SDK2: variants seen among roughly 807,000 people sequenced by gnomAD.
The protein encoded by SDK2 is sidekick cell adhesion molecule 2.
A neutral mutation model predicts 253.9 loss-of-function variants in SDK2; 105 were observed. That is an observed-to-expected ratio of 0.41 (90% CI 0.35 to 0.49). SDK2 has a LOEUF of 0.49. SDK2 is among the 20% of genes least tolerant of loss of function. The pLI, the probability that SDK2 is intolerant of heterozygous loss-of-function variation, is 0.06. For synonymous variants in SDK2, 1,249 were observed against 1,234.9 expected (o/e 1.01, Z -0.24); for missense variants, 2,608 against 3,003.0 (o/e 0.87, Z 3.07).
At position 73,419,139 on chromosome 17, in the gene SDK2, G is replaced by A. The variant is rs770391874; in HGVS notation, c.2186+27C>T. On this transcript the variant is annotated intron_variant, in intron 16 of 44. Transcript: ENST00000392650. ...CCCATGCCTTTCCCCTTGGGACTGG[G>A]CTCCTGTCCCCAGGGTGGACACCCA... is the stretch of plus-strand genomic sequence containing the variant. 4 of 1,607,600 alleles carry A rather than the reference G, an allele frequency of 2.5e-6. No individual in the cohort carries two copies. The Admixed American group carries it at 5.1e-5, about 20-fold the overall frequency.
At chr17:73,560,055 G>T (rs1454102485) in intron 1 of SDK2, among the ~76,000 whole-genome samples, 1 of 152,144 alleles carries the variant, frequency 6.6e-6, no homozygotes, top group African/African-American at 2.4e-5. Context: ...TCCTGCCTTG[G>T]CCCTACTGAG....
At chr17:73,357,858 G>A (rs2062604927) in intron 40 of SDK2, 1 of 698,554 alleles carries the variant, frequency 1.4e-6, no homozygotes, top group South Asian at 1.5e-5. Flanking sequence ...AGCACTAACA[G>A]CCGTTCTCTG....
chr17:73,336,644 G>A lies in SDK2; in HGVS notation c.*1943C>T, dbSNP rs547517922. Reference sequence around the variant, plus strand: ...ACCATTAGCACAGTGACTGACTTGGGGCTGTAGGAGAGTGGTCCAGGCTCT... The same window carrying A: ...ACCATTAGCACAGTGACTGACTTGGAGCTGTAGGAGAGTGGTCCAGGCTCT... On this transcript the variant is annotated 3_prime_UTR_variant, in exon 45 of 45. Coordinates refer to ENST00000392650, the MANE Select transcript of SDK2 (RefSeq NM_001144952.2). 6.5e-6 allele frequency: 1 copy of A among 152,766 alleles called. No individual in the cohort carries two copies. The highest frequency in any genetic ancestry group is 6.5e-5 in the Admixed American group (1 of 15,300). 9.5% of individuals were successfully genotyped at this position (152,766 alleles called of 1,614,324 possible).
chr17:73,474,868 G>T (rs1004462412), intron 2 of SDK2, among the ~76,000 whole-genome samples: 1 of 152,180 alleles, frequency 6.6e-6, no homozygotes, highest in Non-Finnish European at 1.5e-5. Flanking sequence ...GAGAGGAAAA[G>T]AAATAGAAAT....
intron 18 of SDK2, among the ~76,000 whole-genome samples, chr17:73,412,691 G>A (rs114175161): frequency 0.035 from 5,276 of 152,056 alleles, 296 homozygotes; most frequent in African/African-American, 0.12. Context: ...CGAGGCAGTC[G>A]AATTACTTGA....
In SDK2 at chr17:73,481,325, G is replaced by T. The variant is rs2063722263; in HGVS notation, c.225-9107C>A. On this transcript the variant is annotated intron_variant, in intron 2 of 44. Transcript: ENST00000392650. The surrounding 1 kb of genome is among the most constrained non-coding windows in gnomAD (Gnocchi z 4.5). ...TAGGGAACCTGAGGGTGGAGAGGGG[G>T]TACCCGCAGTGGACAGAACAGGGAG... Among the ~76,000 whole-genome samples the T allele has an allele frequency of 6.6e-6, 1 of 152,142 alleles. No homozygotes were observed. Among genetic ancestry groups the T allele is most frequent in the Non-Finnish European group, 1.5e-5 (1 of 68,008 alleles).
chr17:73,460,240 G>A (rs912184698), intron 3 of SDK2, among the ~76,000 whole-genome samples: 1 of 152,204 alleles, frequency 6.6e-6, no homozygotes, highest in African/African-American at 2.4e-5. Flanking sequence ...GCAGATGTGG[G>A]AGCAGCCCAC....
chr17:73,430,818 C>A lies in SDK2; in HGVS notation c.1481-205G>T, dbSNP rs2063320835. 4.6e-5 allele frequency among the ~76,000 whole-genome samples: 7 copies of A among 152,332 alleles called. No homozygotes were observed. The South Asian group carries it at 1.4e-3, about 32-fold the overall frequency. On this transcript the variant is annotated intron_variant, in intron 11 of 44. Transcript: ENST00000392650. ...ATGTATGGGATGGAGAGACCAAACT[C>A]TAAGGACGATCAGGACCATATTTTC...
Position 73,379,356 on chromosome 17 carries a change from C to T in SDK2, c.4865-64G>A, listed in dbSNP as rs991586717. On this transcript the variant is annotated intron_variant, in intron 35 of 44. Transcript: ENST00000392650. The surrounding 1 kb of genome is among the most constrained non-coding windows in gnomAD (Gnocchi z 4.5). ...AACCTGGGAGGGGAGGTGGGCTGGGCGGGATGGGGAGCCCAGATCCCGTTT... is the reference window on the plus strand; with the variant it reads ...AACCTGGGAGGGGAGGTGGGCTGGGTGGGATGGGGAGCCCAGATCCCGTTT... 6.7e-5 allele frequency: 32 copies of T among 476,296 alleles called. No individual in the cohort carries two copies. The highest frequency in any genetic ancestry group is 3.5e-4 in the African/African-American group (17 of 48,830). 29.5% of individuals were successfully genotyped at this position (476,296 alleles called of 1,614,324 possible).
rs1294212420 is a variant in SDK2 at position 73,639,566 on chromosome 17, GACTAATTCCC to G, written c.64+4449_64+4458del. Reference sequence around the variant, plus strand: ...GCATCCCAAGGCCCCAAATTATGATGACTAATTCCCACCGCTTTAGGCAGCTCCAGGGCTG... The same window carrying G: ...GCATCCCAAGGCCCCAAATTATGATGACCGCTTTAGGCAGCTCCAGGGCTG... On this transcript the variant is annotated intron_variant, in intron 1 of 44. Transcript: ENST00000392650. This position sits in a 1 kb window ranked among gnomAD's most constrained non-coding sequence, Gnocchi z 4.3. Among the ~76,000 whole-genome samples, 6 of 152,166 alleles carry G rather than the reference GACTAATTCCC, an allele frequency of 3.9e-5. No individual in the cohort carries two copies. The highest frequency in any genetic ancestry group is 3.3e-4 in the Admixed American group (5 of 15,284).
At chr17:73,384,039 G>A in intron 32 of SDK2, 28 bp from the exon 33 acceptor site, 2 of 1,607,680 alleles carry the variant, frequency 1.2e-6, no homozygotes, top group Non-Finnish European at 1.7e-6. Context: ...GGCATGGGGA[G>A]GGCACCTGGA....
chr17:73,353,330 A>T (rs2062555163), intron 40 of SDK2, among the ~76,000 whole-genome samples: 1 of 152,224 alleles, frequency 6.6e-6, no homozygotes, highest in African/African-American at 2.4e-5. Context: ...ACATTATCAT[A>T]TGGGAATACC....
In SDK2 at chr17:73,430,588, G is replaced by T. The variant is rs1403308362; in HGVS notation, c.1506C>A (p.Pro502=). 6.3e-7 allele frequency: 1 copy of T among 1,584,182 alleles called. No homozygotes were observed. The highest frequency in any genetic ancestry group is 8.6e-7 in the Non-Finnish European group (1 of 1,164,504). ...TGCCCTTGATGACACTCTGATCCTG[G>T]GGGGGCTTGGTGATGCGGGTCCGAG... ...VWARTRITKP[P]QDQSVIKGTQ... is the part of the protein sequence containing the mutation. Residue 502 remains proline (P), a synonymous_variant, in exon 12 of 45, where the codon CCC becomes CCA. Coordinates refer to ENST00000392650, the MANE Select transcript of SDK2 (RefSeq NM_001144952.2).
intron 18 of SDK2, among the ~76,000 whole-genome samples, chr17:73,412,895 G>A (rs2063151297): frequency 6.6e-6 from 1 of 152,196 alleles, no homozygotes; most frequent in African/African-American, 2.4e-5. Flanking sequence ...GACACAGAGT[G>A]AAGACAGACA....
chr17:73,445,186 T>C (rs1048388834), intron 5 of SDK2, among the ~76,000 whole-genome samples: 15 of 152,224 alleles, frequency 9.9e-5, no homozygotes, highest in Non-Finnish European at 1.9e-4. Flanking sequence ...AGACTTAGTA[T>C]GCAAAAAACC....
At chr17:73,562,860 G>A (rs1339082660) in intron 1 of SDK2, among the ~76,000 whole-genome samples, 1 of 152,226 alleles carries the variant, frequency 6.6e-6, no homozygotes, top group Non-Finnish European at 1.5e-5. Flanking sequence ...GCAGCCGCAC[G>A]AGGCAGGTTA....
chr17:73,640,248 C>G (rs11651282), intron 1 of SDK2, among the ~76,000 whole-genome samples: 10 of 89,514 alleles, frequency 1.1e-4, no homozygotes, highest in Admixed American at 1.3e-4. Flanking sequence ...ATGCATGAAG[C>G]GGGGGTGGGG....
At chr17:73,386,052 C>A (rs913642897) in intron 31 of SDK2, 135 bp from the exon 32 acceptor site, 6 of 601,814 alleles carry the variant, frequency 1.0e-5, no homozygotes, top group African/African-American at 1.9e-5. Context: ...CCTGCTGGCC[C>A]GATTTCTGCA....
chr17:73,369,141 G>A (rs370380723), intron 36 of SDK2: 4 of 470,844 alleles, frequency 8.5e-6, no homozygotes, highest in South Asian at 4.6e-5. Context: ...TGTGTTTCCC[G>A]CCATGCCTGG....
Sources: gnomAD v4.1 joint callset for allele counts (sites outside exome capture counted in the v4.1 genomes callset) on GRCh38, gnomAD v4.1.1 for gene constraint, Gnocchi (gnomAD v3.1) non-coding constraint, MANE v1.5 for transcripts, NCBI Gene and HGNC (gene_info 2026-07-23, HGNC 2026-07-21) for gene names.